Variants in EFTUD2 observed in about 807,000 individuals in gnomAD.
EFTUD2 encodes the protein elongation factor Tu GTP binding domain containing 2, also known as 116 kDa U5 small nuclear ribonucleoprotein component.
EFTUD2 carries 9 observed loss-of-function variants against 114.3 expected under a neutral mutation model. The observed-to-expected ratio is 0.08, with a 90% confidence interval of 0.05 to 0.14. The LOEUF (loss-of-function observed/expected upper bound fraction) is 0.14. Among genes scored for constraint, EFTUD2 ranks in the 10% least tolerant of loss-of-function variants. The probability of loss-of-function intolerance (pLI) is 1.00; values close to 1 mark genes in which losing one functional copy is unlikely to be tolerated. For missense variants in EFTUD2, 765 were observed against 1,241.2 expected (o/e 0.62, Z 5.76); for synonymous variants, 449 against 462.3 (o/e 0.97, Z 0.37).
intron 7 of EFTUD2, 97 bp from the exon 8 acceptor site, chr17:44,880,741 C>T: frequency 1.1e-6 from 1 of 879,952 alleles, no homozygotes; most frequent in Non-Finnish European, 1.9e-6. Context: ...ACACTGATGC[C>T]TCTCCTTATA....
At chr17:44,864,312 T>C (rs2050707261) in intron 14 of EFTUD2, among the ~76,000 whole-genome samples, 1 of 152,132 alleles carries the variant, frequency 6.6e-6, no homozygotes, top group Non-Finnish European at 1.5e-5. Flanking sequence ...AATAAGCTAT[T>C]AAAACTACGC....
chr17:44,891,479 A>G (rs1177434523), intron 2 of EFTUD2, among the ~76,000 whole-genome samples: 1 of 152,144 alleles, frequency 6.6e-6, no homozygotes, highest in Non-Finnish European at 1.5e-5. Flanking sequence ...TCTCCTGAGT[A>G]GCTGTGACTA....
intron 25 of EFTUD2, 46 bp from the exon 26 acceptor site, chr17:44,852,608 A>T: frequency 6.2e-7 from 1 of 1,600,794 alleles, no homozygotes; most frequent in Non-Finnish European, 8.5e-7. Context: ...AACATAGGCC[A>T]AAAGCCAAGA....
chr17:44,855,845 G>A (rs532537142), intron 20 of EFTUD2, among the ~76,000 whole-genome samples: 2 of 151,572 alleles, frequency 1.3e-5, no homozygotes, highest in African/African-American at 4.8e-5. Flanking sequence ...CTAGCTACTC[G>A]GGAGGCTGAG....
Position 44,852,409 on chromosome 17 carries a change from C to T in EFTUD2, c.2715G>A (p.Gln905=), listed in dbSNP as rs757801018. ...AFSLSVFHHW[Q]IVPGDPLDKS... ...CCGCCAGCCTGCATTGCTTTCTCACCTGCCAGTGGTGGAAGACAGACAGAG... is the reference window on the plus strand; with the variant it reads ...CCGCCAGCCTGCATTGCTTTCTCACTTGCCAGTGGTGGAAGACAGACAGAG... The change falls in exon 26 of 28, where the codon CAG becomes CAA. Residue 905 remains glutamine (Q), a splice_region_variant and synonymous_variant. Coordinates refer to ENST00000426333, the MANE Select transcript of EFTUD2 (RefSeq NM_004247.4). 1 of 1,613,908 alleles carries T rather than the reference C, an allele frequency of 6.2e-7. No homozygotes were observed. The highest frequency in any genetic ancestry group is 8.5e-7 in the Non-Finnish European group (1 of 1,179,988).
intron 9 of EFTUD2, among the ~76,000 whole-genome samples, chr17:44,877,290 C>T (rs941058235): frequency 7.2e-5 from 11 of 151,788 alleles, no homozygotes; most frequent in African/African-American, 2.7e-4. Flanking sequence ...TCTTTTTGTG[C>T]TTGAAAGTAA....
At chr17:44,898,306 C>T (rs574098613) in intron 1 of EFTUD2, among the ~76,000 whole-genome samples, 22 of 152,272 alleles carry the variant, frequency 1.4e-4, no homozygotes, top group African/African-American at 5.1e-4. Flanking sequence ...CAACCTCCGC[C>T]TCCTGGTTTC....
chr17:44,856,130 C>CAAAAAAAAA (rs1045415785), intron 20 of EFTUD2, among the ~76,000 whole-genome samples: 1 of 37,350 alleles, frequency 2.7e-5, no homozygotes, highest in African/African-American at 1.1e-4. Context: ...GACCCTGTCT[C>CAAAAAAAAA]AAAAAAAAAA....
In EFTUD2 at chr17:44,886,730, G is replaced by A. The variant is rs751784519; in HGVS notation, c.126C>T (p.Asp42=). 19 of 1,613,536 alleles carry A rather than the reference G, an allele frequency of 1.2e-5. No homozygotes were observed. Among genetic ancestry groups the A allele is most frequent in the East Asian group, 2.2e-5 (1 of 44,882 alleles). The part of the protein sequence containing the change: ...DLDEMDDDDD[D]DDVGDHDDDH... ...CATCGTCATGATCTCCTACGTCATC[G>A]TCGTCGTCATCATCATCCATCTGAA... Residue 42 remains aspartate (D), a synonymous_variant, in exon 3 of 28, where the codon GAC becomes GAT. Transcript: ENST00000426333.
At chr17:44,890,605 T>TC (rs1363259120) in intron 2 of EFTUD2, among the ~76,000 whole-genome samples, 1 of 151,208 alleles carries the variant, frequency 6.6e-6, no homozygotes, top group Admixed American at 6.6e-5. Context: ...GGCAGGAGAA[T>TC]CGCTTGAACC....
intron 14 of EFTUD2, among the ~76,000 whole-genome samples, chr17:44,864,323 A>G (rs1372396554): frequency 6.6e-6 from 1 of 152,110 alleles, no homozygotes; most frequent in East Asian, 1.9e-4. Flanking sequence ...AAAACTACGC[A>G]CCTTGGGGGC....
Position 44,894,447 on chromosome 17 carries a change from T to A in EFTUD2, c.75A>T (p.Glu25Asp). ...PELDSDEDDD[E>D]LGRETKDLDE... ...CAAGATCTTTGGTCTCTCTACCCAA[T>A]TCATCATCATCTTCATCAGAATCAA... The change falls in exon 2 of 28, where the codon GAA becomes GAT. Residue 25 changes from glutamate (E) to aspartate (D), a missense_variant. Coordinates refer to ENST00000426333, the MANE Select transcript of EFTUD2 (RefSeq NM_004247.4). 6.2e-7 allele frequency: 1 copy of A among 1,613,988 alleles called. No homozygotes were observed. Among genetic ancestry groups the A allele is most frequent in the South Asian group, 1.1e-5 (1 of 91,082 alleles).
At chr17:44,867,472 T>C (rs957570522) in intron 13 of EFTUD2, among the ~76,000 whole-genome samples, 1 of 151,866 alleles carries the variant, frequency 6.6e-6, no homozygotes, top group Non-Finnish European at 1.5e-5. Context: ...GCTAATTTTT[T>C]GTATTTTGGT....
At chr17:44,881,856 T>A in intron 6 of EFTUD2, 134 bp from the exon 7 acceptor site, 2 of 774,812 alleles carry the variant, frequency 2.6e-6, no homozygotes, top group Non-Finnish European at 2.2e-6. Flanking sequence ...GAGCAGGGTG[T>A]CCCCACAGCA....
intron 10 of EFTUD2, 167 bp downstream of exon 10, chr17:44,875,767 T>C: frequency 1.4e-6 from 1 of 710,596 alleles, no homozygotes; most frequent in Non-Finnish European, 2.4e-6. Flanking sequence ...TGAAGATGTG[T>C]TAAAGTATGA....
chr17:44,896,281 GCTC>G (rs1371935225), intron 1 of EFTUD2, among the ~76,000 whole-genome samples: 1 of 152,098 alleles, frequency 6.6e-6, no homozygotes, highest in African/African-American at 2.4e-5. Flanking sequence ...AGCTTTCCTA[GCTC>G]CTCAATTTCT....
intron 12 of EFTUD2, 95 bp downstream of exon 12, chr17:44,868,192 A>G: frequency 9.7e-7 from 1 of 1,035,978 alleles, no homozygotes; most frequent in Non-Finnish European, 1.4e-6. Context: ...AAAAAAAAGT[A>G]GGTATTTAAT....
At position 44,863,504 on chromosome 17, in the gene EFTUD2, A is replaced by G. The variant is rs75395366; in HGVS notation, c.1413+151T>C. The G allele has an allele frequency of 1.0e-3, 1,117 of 1,107,416 alleles. 11 individuals are homozygous for G. In the African/African-American group the frequency reaches 0.016, roughly 16 times the overall value. 68.6% of individuals were successfully genotyped at this position (1,107,416 alleles called of 1,614,324 possible). On this transcript the variant is annotated intron_variant, in intron 15 of 27. Coordinates refer to ENST00000426333, the MANE Select transcript of EFTUD2 (RefSeq NM_004247.4). ...CAAGGTCATAGCACTAGCGGTGGCA[A>G]CATCAGGCTTTGCATTCAGGCCTGA...
rs909385807 is a variant in EFTUD2, at chr17:44,868,217, AATTTCACTGTCC to A, written c.1058+58_1058+69del. 1.1e-5 allele frequency: 16 copies of A among 1,407,996 alleles called. No individual in the cohort carries two copies. The African/African-American group carries it at 2.0e-4, about 18-fold the overall frequency. The allele number at this position is 1,407,996 out of a possible 1,614,324, so 87.2% of individuals were successfully genotyped here. A position where few individuals can be genotyped will look rare whatever the true frequency, so the allele number is the denominator to read the frequency against. On this transcript the variant is annotated intron_variant, in intron 12 of 27. Coordinates refer to ENST00000426333, the MANE Select transcript of EFTUD2 (RefSeq NM_004247.4). Reference sequence around the variant, plus strand: ...AGGTATTTAATCTTTGAACTCAGAGAATTTCACTGTCCTCACTTACTGGGTAAATGATCACCC... The same window carrying A: ...AGGTATTTAATCTTTGAACTCAGAGATCACTTACTGGGTAAATGATCACCC...
Sources: gnomAD v4.1 joint callset for allele counts (sites outside exome capture counted in the v4.1 genomes callset) on GRCh38, gnomAD v4.1.1 for gene constraint, MANE v1.5 for transcripts, NCBI Gene and HGNC (gene_info 2026-07-23, HGNC 2026-07-21) for gene names.